ATG2A: variants seen among roughly 807,000 people sequenced by gnomAD.
The protein encoded by ATG2A is autophagy-related protein 2 homolog A.
ATG2A carries 103 observed loss-of-function variants against 214.2 expected under a neutral mutation model. The ratio of observed to expected loss-of-function variants is 0.48; its 90% CI spans 0.41 to 0.57. The LOEUF (loss-of-function observed/expected upper bound fraction) is 0.57, where lower values mean the gene tolerates loss of function less well. Ranked by LOEUF, ATG2A falls within the 20% of genes least tolerant of loss-of-function variation. ATG2A has a pLI of 0.00. For missense variants in ATG2A, 2,312 were observed against 2,613.2 expected (o/e 0.88, Z 2.51); for synonymous variants, 1,160 against 1,142.1 (o/e 1.02, Z -0.32).
rs777438250 is a variant in ATG2A at position 64,903,604 on chromosome 11, AG to A, written c.3520del (p.Leu1174TrpfsTer19). ...GCCCTGCCCACCTCGCCGCAGGTCC[AG>A]GGTCTCCACCTCACACTTGTCGGAC... ...YLSDKCEVET[L>X]DLRRDYVCVL... On this transcript the variant is annotated frameshift_variant, in exon 25 of 41. Transcript: ENST00000377264. LOFTEE classifies it high-confidence loss of function. The surrounding 1 kb of genome is among the most constrained non-coding windows in gnomAD (Gnocchi z 4.2). 3.2e-6 allele frequency: 5 copies of A among 1,549,586 alleles called. No homozygotes were observed. In the South Asian group the frequency reaches 4.8e-5, roughly 15 times the overall value.
rs539741816 is a variant in ATG2A at position 64,913,480 on chromosome 11, G to A, written c.591-79C>T. ...CTCTCCACACAGTGCTCTGCTCTAG[G>A]GGCACGGGGTCAGGGAGCCTAGCCT... On this transcript the variant is annotated intron_variant, in intron 4 of 40. Coordinates refer to ENST00000377264, the MANE Select transcript of ATG2A (RefSeq NM_015104.3). This position sits in a 1 kb window ranked among gnomAD's most constrained non-coding sequence, Gnocchi z 4.3. The A allele has an allele frequency of 1.4e-6, 2 of 1,456,840 alleles. No individual in the cohort carries two copies. The highest frequency in any genetic ancestry group is 2.8e-5 in the South Asian group (2 of 71,252). The allele number at this position is 1,456,840 out of a possible 1,614,324, so 90.2% of individuals were successfully genotyped here.
intron 37 of ATG2A, 198 bp from the exon 38 acceptor site, chr11:64,897,067 CTGGAG>C: frequency 1.2e-6 from 1 of 817,764 alleles, no homozygotes; most frequent in South Asian, 1.9e-5. Flanking sequence ...GTTGCCCAGG[CTGGAG>C]TGAAGTGGTG....
At chr11:64,904,054 T>C (rs1944453177) in intron 24 of ATG2A, among the ~76,000 whole-genome samples, 1 of 152,032 alleles carries the variant, frequency 6.6e-6, no homozygotes, top group African/African-American at 2.4e-5. Flanking sequence ...GAGACCAGCC[T>C]GGCCAACGTG....
rs906412923 is a variant in ATG2A at position 64,903,546 on chromosome 11, G to A, written c.3535+44C>T. ...GGCTGCTCTGGGTGTGGCCGGGGCGGTGGTCCCTCAGAGGGGAGGGAGCCC... is the reference window on the plus strand; with the variant it reads ...GGCTGCTCTGGGTGTGGCCGGGGCGATGGTCCCTCAGAGGGGAGGGAGCCC... On this transcript the variant is annotated intron_variant, in intron 25 of 40. Coordinates refer to ENST00000377264, the MANE Select transcript of ATG2A (RefSeq NM_015104.3). The surrounding 1 kb of genome is among the most constrained non-coding windows in gnomAD (Gnocchi z 4.2). The A allele has an allele frequency of 2.0e-6, 3 of 1,522,750 alleles. No individual in the cohort carries two copies. Among genetic ancestry groups the A allele is most frequent in the African/African-American group, 2.8e-5 (2 of 72,622 alleles). 94.3% of individuals were successfully genotyped at this position (1,522,750 alleles called of 1,614,324 possible).
Position 64,900,620 on chromosome 11 carries a change from A to G in ATG2A, c.4338T>C (p.Thr1446=). The change falls in exon 31 of 41, where the codon ACT becomes ACC. Residue 1446 remains threonine (T), a synonymous_variant. Transcript: ENST00000377264. ...FGPHPGHRAR[T]GLSGPRSSPS... ...GGGAGCTCCTGGGACCTGAGAGGCC[A>G]GTTCTTGCCCTGGGAAGAGGGACAG... 1 of 1,606,982 alleles carries G rather than the reference A, an allele frequency of 6.2e-7. No homozygotes were observed. The highest frequency in any genetic ancestry group is 8.5e-7 in the Non-Finnish European group (1 of 1,176,408).
Position 64,907,401 on chromosome 11 carries a change from C to T in ATG2A, c.2686G>A (p.Asp896Asn). 6.3e-7 allele frequency: 1 copy of T among 1,582,360 alleles called. No homozygotes were observed. The highest frequency in any genetic ancestry group is 8.6e-7 in the Non-Finnish European group (1 of 1,164,274). The change falls in exon 19 of 41, where the codon GAC becomes AAC. Residue 896 changes from aspartate (D) to asparagine (N), a missense_variant. By Grantham distance (23) the Asp-to-Asn change is conservative. Transcript: ENST00000377264. ...ACTGAGAAGAAGTGGGCATCCTCGT[C>T]ATCCGAGTCCGAGTCTGGGGTGAGA... is the stretch of plus-strand genomic sequence containing the variant. ...FDLTPDSDSD[D>N]EDAHFFSVGA...
In ATG2A at chr11:64,903,758, T is replaced by C. The variant is rs1944443852; in HGVS notation, c.3465-98A>G. On this transcript the variant is annotated intron_variant, in intron 24 of 40. Transcript: ENST00000377264. This position sits in a 1 kb window ranked among gnomAD's most constrained non-coding sequence, Gnocchi z 4.2. Reference sequence around the variant, plus strand: ...GGTCCCAAGCCCACAGGAGGTGGTATGGACAGGCCCCTCCAGCCTCAGCGT... The same window carrying C: ...GGTCCCAAGCCCACAGGAGGTGGTACGGACAGGCCCCTCCAGCCTCAGCGT... 3 of 1,179,062 alleles carry C rather than the reference T, an allele frequency of 2.5e-6. No homozygotes were observed. Among genetic ancestry groups the C allele is most frequent in the Non-Finnish European group, 3.6e-6 (3 of 843,638 alleles). 73.0% of individuals were successfully genotyped at this position (1,179,062 alleles called of 1,614,324 possible).
chr11:64,910,286 G>T, intron 12 of ATG2A, 91 bp from the exon 13 acceptor site: 2 of 1,486,978 alleles, frequency 1.3e-6, no homozygotes, highest in South Asian at 1.4e-5. Flanking sequence ...AGAAGAGCTG[G>T]GGCAGGGGCC....
Position 64,902,317 on chromosome 11 carries a change from G to A in ATG2A, c.3847C>T (p.Leu1283=), listed in dbSNP as rs772802591. Residue 1283 remains leucine, a synonymous_variant, in exon 28 of 41, where the codon CTG becomes TTG. Transcript: ENST00000377264. ...VETALINQRD[L]ADALLDTERS... ...TCGGTGTCCAGGAGGGCGTCGGCCA[G>A]GTCACGCTGGTTGATGAGGGCCGTC... is the stretch of plus-strand genomic sequence containing the variant. 4 of 1,611,102 alleles carry A rather than the reference G, an allele frequency of 2.5e-6. No individual in the cohort carries two copies. Among genetic ancestry groups the A allele is most frequent in the Non-Finnish European group, 3.4e-6 (4 of 1,179,566 alleles).
At position 64,903,247 on chromosome 11, in the gene ATG2A, C is replaced by T. The variant is rs767335382; in HGVS notation, c.3612+41G>A. On this transcript the variant is annotated intron_variant, in intron 26 of 40. Coordinates refer to ENST00000377264, the MANE Select transcript of ATG2A (RefSeq NM_015104.3). The surrounding 1 kb of genome is among the most constrained non-coding windows in gnomAD (Gnocchi z 4.2). ...CCTGAAGACTCCCTTGGCCCCTGCA[C>T]CTGCTGTGGCTCCAGGAGCCAGAGT... The T allele has an allele frequency of 5.0e-6, 8 of 1,594,074 alleles. No homozygotes were observed. The highest frequency in any genetic ancestry group is 1.1e-5 in the South Asian group (1 of 90,458).
intron 14 of ATG2A, 22 bp from the exon 15 acceptor site, chr11:64,909,389 G>T: frequency 6.2e-7 from 1 of 1,603,330 alleles, no homozygotes; most frequent in Non-Finnish European, 8.5e-7. Flanking sequence ...TGGGGAATTA[G>T]GGGGGTCATC....
rs1289461282 is a variant in ATG2A, at chr11:64,897,949, G to A, written c.4884C>T (p.Pro1628=). 1.3e-6 allele frequency: 2 copies of A among 1,551,318 alleles called. No homozygotes were observed. Among genetic ancestry groups the A allele is most frequent in the Non-Finnish European group, 1.7e-6 (2 of 1,151,206 alleles). Residue 1628 remains proline (P), a synonymous_variant, in exon 35 of 41, where the codon CCC becomes CCT. Coordinates refer to ENST00000377264, the MANE Select transcript of ATG2A (RefSeq NM_015104.3). Reference sequence around the variant, plus strand: ...CGGCCTGCCCTTCCAGGGGGCTGCTGGGCTGGGCTCGAGTCTCGGGGCGAG... The same window carrying A: ...CGGCCTGCCCTTCCAGGGGGCTGCTAGGCTGGGCTCGAGTCTCGGGGCGAG... ...AEARPETRAQ[P]SSPLEGQAEG...
At position 64,895,135 on chromosome 11, in the gene ATG2A, G is replaced by A. The variant is rs61745430; in HGVS notation, c.5655C>T (p.Ala1885=). ...RGHEQKGLTG[A]VGGVIRQLPP... is the part of the protein sequence containing the mutation. ...GCAGCTGGCGGATCACGCCCCCCAC[G>A]GCGCCCGTCAGCCCCTTCTGCTCAT... The change falls in exon 41 of 41, where the codon GCC becomes GCT. Residue 1885 remains alanine, a synonymous_variant. Transcript: ENST00000377264. The surrounding 1 kb of genome is among the most constrained non-coding windows in gnomAD (Gnocchi z 5.0). The A allele has an allele frequency of 6.0e-3, 9,602 of 1,613,042 alleles. 479 individuals are homozygous for A. The African/African-American group carries it at 0.11, about 18-fold the overall frequency.
intron 37 of ATG2A, 35 bp from the exon 38 acceptor site, chr11:64,896,904 A>C: frequency 6.2e-7 from 1 of 1,609,744 alleles, no homozygotes. Flanking sequence ...GCAGAAGGTG[A>C]GGCAGAGCCA....
In ATG2A at chr11:64,911,255, G is replaced by C. The variant is rs778932514; in HGVS notation, c.1249C>G (p.Leu417Val). The change falls in exon 10 of 41, where the codon CTC becomes GTC. Residue 417 changes from leucine to valine, a missense_variant. By Grantham distance (32) the Leu-to-Val change is conservative (BLOSUM62 1). Coordinates refer to ENST00000377264, the MANE Select transcript of ATG2A (RefSeq NM_015104.3). ...HPAGKMAPNP[L>V]LDTMRPDSLL... ...GAGTCAGGGCGCATGGTGTCCAGGA[G>C]GGGGTTGGGGGCCATCTTGCCTGAG... The C allele has an allele frequency of 6.2e-7, 1 of 1,613,830 alleles. No individual in the cohort carries two copies. Among genetic ancestry groups the C allele is most frequent in the Non-Finnish European group, 8.5e-7 (1 of 1,180,032 alleles).
chr11:64,911,338 TA>T (rs377037570), intron 9 of ATG2A, 63 bp from the exon 10 acceptor site: 8 of 1,539,216 alleles, frequency 5.2e-6, no homozygotes, highest in Middle Eastern at 1.7e-4. Flanking sequence ...GGTGGAGCAA[TA>T]GTTTGCCACC....
In ATG2A at chr11:64,906,149, G is replaced by A. The variant is rs768810668; in HGVS notation, c.3228C>T (p.His1076=). Reference sequence around the variant, plus strand: ...AGCTCTGCTCGGGCAGGGCCATGTAGTGGCGCAAGGTGGCTTTGTGCAACC... The same window carrying A: ...AGCTCTGCTCGGGCAGGGCCATGTAATGGCGCAAGGTGGCTTTGTGCAACC... ...TLRLHKATLR[H]YMALPEQSWH... The change falls in exon 22 of 41, where the codon CAC becomes CAT. Residue 1076 remains histidine (H), a synonymous_variant. Coordinates refer to ENST00000377264, the MANE Select transcript of ATG2A (RefSeq NM_015104.3). 4.7e-5 allele frequency: 76 copies of A among 1,600,840 alleles called. No individual in the cohort carries two copies. The highest frequency in any genetic ancestry group is 5.2e-5 in the Admixed American group (3 of 57,744).
At chr11:64,906,940 G>A in intron 19 of ATG2A, 125 bp from the exon 20 acceptor site, 2 of 1,211,398 alleles carry the variant, frequency 1.7e-6, no homozygotes, top group Non-Finnish European at 1.1e-6. Context: ...CATGGACGCT[G>A]CTGGAGGCCC....
Position 64,910,723 on chromosome 11 carries a change from G to T in ATG2A, c.1615-15C>A. 6.2e-7 allele frequency: 1 copy of T among 1,609,682 alleles called. No individual in the cohort carries two copies. The highest frequency in any genetic ancestry group is 8.5e-7 in the Non-Finnish European group (1 of 1,178,340). ...AAGGTCAGGATCTGGGATGGGACCC[G>T]GGAGGCACACAGGGTCAGGCCTGGC... is the stretch of plus-strand genomic sequence containing the variant. On this transcript the variant is annotated splice_polypyrimidine_tract_variant and intron_variant, in intron 11 of 40. Coordinates refer to ENST00000377264, the MANE Select transcript of ATG2A (RefSeq NM_015104.3).
Sources: gnomAD v4.1 joint callset for allele counts (sites outside exome capture counted in the v4.1 genomes callset) on GRCh38, gnomAD v4.1.1 for gene constraint, Gnocchi (gnomAD v3.1) non-coding constraint, MANE v1.5 for transcripts, NCBI Gene and HGNC (gene_info 2026-07-23, HGNC 2026-07-21) for gene names.